Variants in FTO observed in about 807,000 individuals in gnomAD.
The protein encoded by FTO is FTO alpha-ketoglutarate dependent dioxygenase, also known as alpha-ketoglutarate-dependent dioxygenase FTO.
A neutral mutation model predicts 63.9 loss-of-function variants in FTO; 47 were observed. That is an observed-to-expected ratio of 0.74 (90% confidence interval 0.58 to 0.94). FTO has a LOEUF of 0.94. Ranked by LOEUF, FTO falls within the 40% of genes least tolerant of loss-of-function variation. The pLI is 0.00. For synonymous variants in FTO, 207 were observed against 224.4 expected, an observed-to-expected ratio of 0.92 and a Z score of 0.69; for missense variants, 562 against 618.1, an observed-to-expected ratio of 0.91 and a Z score of 0.96.
intron 8 of FTO, among the ~76,000 whole-genome samples, chr16:53,954,311 A>G (rs1368188016): frequency 6.6e-6 from 1 of 152,146 alleles, no homozygotes; most frequent in Non-Finnish European, 1.5e-5. Context: ...CTACCTGTGG[A>G]TGGGCCTTTC....
At chr16:53,735,347 G>A (rs2076367291) in intron 1 of FTO, among the ~76,000 whole-genome samples, 1 of 152,208 alleles carries the variant, frequency 6.6e-6, no homozygotes, top group African/African-American at 2.4e-5. Context: ...GAACTCATAG[G>A]GTTGATAGTC....
chr16:54,004,281 A>G (rs561516914), intron 8 of FTO, among the ~76,000 whole-genome samples: 1 of 152,186 alleles, frequency 6.6e-6, no homozygotes, highest in African/African-American at 2.4e-5. Context: ...AATCCCAGCT[A>G]CTTGAGAGGC....
chr16:53,770,292 AT>A (rs1265856888), intron 1 of FTO, among the ~76,000 whole-genome samples: 3 of 152,094 alleles, frequency 2.0e-5, no homozygotes, highest in Non-Finnish European at 4.4e-5. Flanking sequence ...ATTTGAAAAG[AT>A]TTTGTAAGTT....
At chr16:53,721,493 GTTACA>G (rs1367493211) in intron 1 of FTO, among the ~76,000 whole-genome samples, 2 of 151,992 alleles carry the variant, frequency 1.3e-5, no homozygotes, top group Admixed American at 6.5e-5. Context: ...TTCAATTGCA[GTTACA>G]TTACATTTTC....
At chr16:54,082,591 C>T (rs1394515122) in intron 8 of FTO, among the ~76,000 whole-genome samples, 1 of 152,204 alleles carries the variant, frequency 6.6e-6, no homozygotes, top group Non-Finnish European at 1.5e-5. Context: ...CCTTCTTCCA[C>T]CTCAGGGTTT....
At chr16:53,729,352 C>T (rs2076220044) in intron 1 of FTO, among the ~76,000 whole-genome samples, 2 of 151,724 alleles carry the variant, frequency 1.3e-5, no homozygotes, top group Non-Finnish European at 2.9e-5. Context: ...CATGGTGAAA[C>T]CCTGTCTGTA....
At chr16:53,831,519 T>C (rs1205507041) in intron 3 of FTO, among the ~76,000 whole-genome samples, 5 of 152,242 alleles carry the variant, frequency 3.3e-5, no homozygotes, top group Non-Finnish European at 7.3e-5. Context: ...GCAATTATTT[T>C]TTCATTTAAC....
Position 53,977,798 on chromosome 16 carries a change from A to G in FTO, c.1364+43689A>G, listed in dbSNP as rs1362476083. ...AAACTTTTCTTGCTCATCATTCTTT[A>G]TGCATAAAACTATAGTTTTAGTTAG... On this transcript the variant is annotated intron_variant, in intron 8 of 8. Coordinates refer to ENST00000471389, the MANE Select transcript of FTO (RefSeq NM_001080432.3). Among the ~76,000 whole-genome samples the G allele has an allele frequency of 2.0e-5, 3 of 152,166 alleles. No homozygotes were observed. In the East Asian group the frequency reaches 5.8e-4, roughly 29 times the overall value.
chr16:53,966,011 G>A (rs1404199303), intron 8 of FTO, among the ~76,000 whole-genome samples: 2 of 152,030 alleles, frequency 1.3e-5, no homozygotes, highest in Non-Finnish European at 1.5e-5. Context: ...GGGATTACAG[G>A]CATACGCCAC....
intron 7 of FTO, among the ~76,000 whole-genome samples, chr16:53,916,633 T>C (rs544879757): frequency 6.6e-6 from 1 of 152,340 alleles, no homozygotes; most frequent in South Asian, 2.1e-4. Flanking sequence ...TGGCCTCTTT[T>C]AGTGGCACTA....
chr16:53,867,194 GTTA>G (rs1227770062), intron 4 of FTO, among the ~76,000 whole-genome samples: 4 of 151,818 alleles, frequency 2.6e-5, no homozygotes, highest in African/African-American at 9.7e-5. Context: ...CTATCTTTCT[GTTA>G]TTATTTTCTA....
At chr16:54,002,723 G>A (rs1567508958) in intron 8 of FTO, among the ~76,000 whole-genome samples, 1 of 152,292 alleles carries the variant, frequency 6.6e-6, no homozygotes, top group East Asian at 1.9e-4. Flanking sequence ...ATTAAGTGCT[G>A]TCGTAGAAAC....
intron 2 of FTO, among the ~76,000 whole-genome samples, chr16:53,824,582 G>A (rs2078953463): frequency 6.6e-6 from 1 of 152,022 alleles, no homozygotes; most frequent in Admixed American, 6.5e-5. Flanking sequence ...TCCATCTGGT[G>A]GTAGGTGCTC....
chr16:53,818,652 A>ATT (rs60422764), intron 2 of FTO, among the ~76,000 whole-genome samples: 4 of 143,008 alleles, frequency 2.8e-5, no homozygotes, highest in Non-Finnish European at 6.2e-5. Flanking sequence ...TTTTTATCCA[A>ATT]TTTTTTTTTT....
intron 4 of FTO, among the ~76,000 whole-genome samples, chr16:53,865,350 CCTTCCT>C (rs1378624287): frequency 1.3e-5 from 2 of 152,148 alleles, no homozygotes; most frequent in Non-Finnish European, 2.9e-5. Context: ...GGCCACTTAG[CCTTCCT>C]CATTAGGCCT....
intron 6 of FTO, among the ~76,000 whole-genome samples, chr16:53,881,477 A>G (rs887091805): frequency 6.6e-6 from 1 of 152,168 alleles, no homozygotes; most frequent in African/African-American, 2.4e-5. Flanking sequence ...GTAACACAGG[A>G]CAGTCATTGC....
intron 4 of FTO, among the ~76,000 whole-genome samples, chr16:53,855,556 A>G (rs2079962851): frequency 6.7e-6 from 1 of 149,614 alleles, no homozygotes. Flanking sequence ...TTTTTTTTTC[A>G]TTTCATGGTA....
intron 8 of FTO, among the ~76,000 whole-genome samples, chr16:54,020,427 T>C (rs1482628753): frequency 1.3e-5 from 2 of 152,210 alleles, no homozygotes; most frequent in Non-Finnish European, 2.9e-5. Context: ...AAGCACCTAC[T>C]GTACTTGTGC....
chr16:53,870,680 G>A (rs1212708092), intron 4 of FTO, among the ~76,000 whole-genome samples: 4 of 151,940 alleles, frequency 2.6e-5, no homozygotes, highest in Admixed American at 6.6e-5. Context: ...TGTGTTTTAC[G>A]TCTGCATATG....
Sources: gnomAD v4.1 joint callset for allele counts (sites outside exome capture counted in the v4.1 genomes callset) on GRCh38, gnomAD v4.1.1 for gene constraint, MANE v1.5 for transcripts, NCBI Gene and HGNC (gene_info 2026-07-23, HGNC 2026-07-21) for gene names.